TECRL: variants seen among roughly 807,000 people sequenced by gnomAD.
TECRL encodes the protein trans-2,3-enoyl-CoA reductase like.
Under a neutral mutation model 52.8 loss-of-function variants are expected in TECRL, and 63 were observed. The observed-to-expected ratio is 1.19, with a 90% CI of 0.97 to 1.47. The LOEUF (loss-of-function observed/expected upper bound fraction) is 1.47, where lower values mean the gene tolerates loss of function less well. Among genes scored for constraint, TECRL ranks in the 40% most tolerant of loss-of-function variants. TECRL has a pLI of 0.00. For missense variants in TECRL, 482 were observed against 429.6 expected (o/e 1.12, Z -1.08); for synonymous variants, 164 against 141.9 (o/e 1.16, Z -1.10).
At chr4:64,396,108 A>G (rs1723931758) in intron 1 of TECRL, among the ~76,000 whole-genome samples, 1 of 151,544 alleles carries the variant, frequency 6.6e-6, no homozygotes, top group Non-Finnish European at 1.5e-5. Flanking sequence ...TGTCTTTGCT[A>G]TTGTGAATAC....
At chr4:64,367,666 TAATG>T (rs1463829015) in intron 2 of TECRL, among the ~76,000 whole-genome samples, 1 of 27,310 alleles carries the variant, frequency 3.7e-5, no homozygotes, top group East Asian at 0.083. Flanking sequence ...TACCAAATAA[TAATG>T]ACCTTCAAAA....
chr4:64,281,519 G>A lies in TECRL; in HGVS notation c.873C>T (p.Phe291=), dbSNP rs1722827945. 1 of 1,604,698 alleles carries A rather than the reference G, an allele frequency of 6.2e-7. No homozygotes were observed. Among genetic ancestry groups the A allele is most frequent in the Admixed American group, 1.7e-5 (1 of 58,098 alleles). ...ATGAAACCAGGAAAAACATCCATGT[G>A]AAGGGGTTATAATTTGGACTTGGGA... ...ACFPSPNYNP[F]TWMFFLVSCP... is the part of the protein sequence containing the mutation. The change falls in exon 10 of 12, where the codon TTC becomes TTT. Residue 291 remains phenylalanine (F), a synonymous_variant. Transcript: ENST00000381210.
At chr4:64,298,403 G>A (rs1164141992) in intron 8 of TECRL, among the ~76,000 whole-genome samples, 2 of 151,068 alleles carry the variant, frequency 1.3e-5, no homozygotes, top group African/African-American at 4.8e-5. Context: ...TAAGAAAGCA[G>A]AATTTTTAAG....
At position 64,329,979 on chromosome 4, in the gene TECRL, T is replaced by TGTACTATTTACTGTACAGTAAAATA. The variant is rs776381001; in HGVS notation, c.287-1448_287-1424dup. Among the ~76,000 whole-genome samples the TGTACTATTTACTGTACAGTAAAATA allele has an allele frequency of 2.9e-3, 446 of 151,908 alleles. 3 individuals are homozygous for TGTACTATTTACTGTACAGTAAAATA. Among genetic ancestry groups the TGTACTATTTACTGTACAGTAAAATA allele is most frequent in the South Asian group, 5.8e-3 (28 of 4,818 alleles). On this transcript the variant is annotated intron_variant, in intron 2 of 11. Coordinates refer to ENST00000381210, the MANE Select transcript of TECRL (RefSeq NM_001010874.5). ...TTTACTATTTTATTGTACTATTTAC[T>TGTACTATTTACTGTACAGTAAAATA]GTACTATTTACTGTACAGTAAAATA...
chr4:64,321,755 A>C (rs1397641690), intron 4 of TECRL, among the ~76,000 whole-genome samples: 3 of 152,168 alleles, frequency 2.0e-5, no homozygotes, highest in African/African-American at 7.2e-5. Flanking sequence ...CCATTTTCAA[A>C]TACCATGATT....
chr4:64,310,399 A>C (rs1724602733), intron 5 of TECRL, among the ~76,000 whole-genome samples: 1 of 152,156 alleles, frequency 6.6e-6, no homozygotes, highest in Non-Finnish European at 1.5e-5. Flanking sequence ...GAAAATTTAA[A>C]TTGCATTTTC....
chr4:64,319,554 T>C (rs1303695823), intron 4 of TECRL, among the ~76,000 whole-genome samples: 2 of 151,900 alleles, frequency 1.3e-5, no homozygotes, highest in East Asian at 1.9e-4. Context: ...AAACCACATA[T>C]ACAAGGACTC....
At chr4:64,335,758 T>C (rs1318154204) in intron 2 of TECRL, among the ~76,000 whole-genome samples, 1 of 152,210 alleles carries the variant, frequency 6.6e-6, no homozygotes, top group African/African-American at 2.4e-5. Flanking sequence ...CATGATTGTA[T>C]GTCAGAAAGA....
chr4:64,339,443 A>C (rs1467778315), intron 2 of TECRL, among the ~76,000 whole-genome samples: 3 of 150,954 alleles, frequency 2.0e-5, no homozygotes, highest in Non-Finnish European at 4.4e-5. Context: ...AAGTATAATA[A>C]AAATATATAT....
intron 1 of TECRL, among the ~76,000 whole-genome samples, chr4:64,407,579 C>T (rs1361392000): frequency 1.3e-5 from 2 of 151,512 alleles, no homozygotes; most frequent in African/African-American, 4.8e-5. Flanking sequence ...CTGTCAGGGT[C>T]TATACACCTG....
chr4:64,385,904 T>C (rs1358533027), intron 1 of TECRL, among the ~76,000 whole-genome samples: 1 of 152,180 alleles, frequency 6.6e-6, no homozygotes, highest in African/African-American at 2.4e-5. Flanking sequence ...TTCCCCACAC[T>C]TGGTTGGGCT....
At chr4:64,407,920 T>C (rs965096147) in intron 1 of TECRL, among the ~76,000 whole-genome samples, 5 of 151,338 alleles carry the variant, frequency 3.3e-5, no homozygotes, top group African/African-American at 9.7e-5. Context: ...AATAAATATA[T>C]CAAAATTCTA....
At chr4:64,339,900 T>C (rs1327732581) in intron 2 of TECRL, among the ~76,000 whole-genome samples, 3 of 152,222 alleles carry the variant, frequency 2.0e-5, no homozygotes, top group Admixed American at 2.0e-4. Context: ...TTTCATGCTA[T>C]TCTGGACTAA....
chr4:64,326,443 T>A (rs1718266114), intron 3 of TECRL, among the ~76,000 whole-genome samples: 2 of 152,118 alleles, frequency 1.3e-5, no homozygotes, highest in South Asian at 2.1e-4. Context: ...GTGATAGCTG[T>A]TCTCATATTC....
intron 5 of TECRL, among the ~76,000 whole-genome samples, chr4:64,310,366 C>T (rs1724601018): frequency 6.6e-6 from 1 of 152,088 alleles, no homozygotes; most frequent in Non-Finnish European, 1.5e-5. Context: ...GTCTGGTTGT[C>T]CTTTAGCAAG....
Position 64,305,125 on chromosome 4 carries a change from G to T in TECRL, c.730+41C>A, listed in dbSNP as rs374576979. ...CATTTAGAATAGAGTTTTTAGGTTG[G>T]TCCTTTAGTATACGGTTAGTTAAGA... On this transcript the variant is annotated intron_variant, in intron 7 of 11. Transcript: ENST00000381210. 2.5e-5 allele frequency: 36 copies of T among 1,452,040 alleles called. No homozygotes were observed. In the African/African-American group the frequency reaches 4.5e-4, roughly 18 times the overall value. 89.9% of individuals were successfully genotyped at this position (1,452,040 alleles called of 1,614,324 possible).
chr4:64,358,907 T>C (rs1282710379), intron 2 of TECRL, among the ~76,000 whole-genome samples: 1 of 151,798 alleles, frequency 6.6e-6, no homozygotes, highest in East Asian at 1.9e-4. Flanking sequence ...TTAGGAAACG[T>C]GAAAAATAAA....
intron 2 of TECRL, among the ~76,000 whole-genome samples, chr4:64,332,555 A>C (rs1308352933): frequency 1.3e-5 from 2 of 152,312 alleles, no homozygotes; most frequent in Middle Eastern, 3.4e-3. Context: ...GGGGGAAATT[A>C]AAAAGGTATT....
chr4:64,327,134 C>A (rs780826562), intron 3 of TECRL, among the ~76,000 whole-genome samples: 7 of 152,018 alleles, frequency 4.6e-5, no homozygotes, highest in Non-Finnish European at 1.0e-4. Context: ...ATGTAGAAAT[C>A]TGAATCAATC....
Sources: allele counts gnomAD v4.1 joint callset (sites outside exome capture counted in the v4.1 genomes callset), GRCh38; gene constraint gnomAD v4.1.1; transcripts MANE v1.5; gene names NCBI Gene and HGNC (gene_info 2026-07-23, HGNC 2026-07-21).